Variants in TG observed in about 807,000 individuals in gnomAD.
TG encodes thyroid hormones.
TG carries 270 observed loss-of-function variants against 324.7 expected under a neutral mutation model. That is an observed-to-expected ratio of 0.83 (90% CI 0.75 to 0.92). TG has a LOEUF of 0.92. TG is among the 40% of genes least tolerant of loss of function. The probability of loss-of-function intolerance (pLI) is 0.00; values close to 1 mark genes in which losing one functional copy is unlikely to be tolerated. For synonymous variants in TG, 1,401 were observed against 1,327.0 expected (o/e 1.06, Z -1.21); for missense variants, 3,591 against 3,456.4 (o/e 1.04, Z -0.98).
chr8:132,946,292 A>G (rs1249214655), intron 26 of TG, among the ~76,000 whole-genome samples: 1 of 152,156 alleles, frequency 6.6e-6, no homozygotes, highest in Non-Finnish European at 1.5e-5. Context: ...TGGTAAGCCC[A>G]CAAAATCCTT....
chr8:132,882,956 G>A lies in TG; in HGVS notation c.1032G>A (p.Lys344=). 1 of 1,614,164 alleles carries A rather than the reference G, an allele frequency of 6.2e-7. No individual in the cohort carries two copies. Among genetic ancestry groups the A allele is most frequent in the Non-Finnish European group, 8.5e-7 (1 of 1,179,994 alleles). Reference sequence around the variant, plus strand: ...GCTGGTGTGTGGACGCCCAGGGGAAGGAAATGCATGGAACCCGGCAGCAAG... The same window carrying A: ...GCTGGTGTGTGGACGCCCAGGGGAAAGAAATGCATGGAACCCGGCAGCAAG... ...GPCWCVDAQG[K]EMHGTRQQGE... The change falls in exon 8 of 48, where the codon AAG becomes AAA. Residue 344 remains lysine, a synonymous_variant. Coordinates refer to ENST00000220616, the MANE Select transcript of TG (RefSeq NM_003235.5).
At chr8:133,134,616 G>A (rs1403313948) in intron 47 of TG, 60 bp from the exon 48 acceptor site, 1 of 1,440,970 alleles carries the variant, frequency 6.9e-7, no homozygotes, top group East Asian at 2.3e-5. Flanking sequence ...AAAAGGAAGG[G>A]ACCAGAGAAG....
Position 132,882,815 on chromosome 8 carries a change from C to G in TG, c.891C>G (p.Cys297Trp). 1 of 1,614,194 alleles carries G rather than the reference C, an allele frequency of 6.2e-7. No homozygotes were observed. Among genetic ancestry groups the G allele is most frequent in the Non-Finnish European group, 8.5e-7 (1 of 1,180,042 alleles). Residue 297 changes from cysteine to tryptophan, a missense_variant and splice_region_variant, in exon 8 of 48, where the codon TGC (cysteine) becomes TGG (tryptophan). Coordinates refer to ENST00000220616, the MANE Select transcript of TG (RefSeq NM_003235.5). ...VQSVISGRFR[C>W]PTKCEVERFT... The stretch of plus-strand genomic sequence containing the variant: ...CTTTACTGTGTGGATTTCCTCTAGG[C>G]CCCACAAAATGTGAAGTGGAGCGGT...
intron 45 of TG, among the ~76,000 whole-genome samples, chr8:133,117,740 G>A (rs988428491): frequency 7.9e-5 from 12 of 152,156 alleles, no homozygotes; most frequent in African/African-American, 2.9e-4. Context: ...CTTCATATAA[G>A]AATAGGAGCA....
intron 27 of TG, among the ~76,000 whole-genome samples, chr8:132,954,191 T>A (rs574526422): frequency 6.6e-6 from 1 of 152,244 alleles, no homozygotes; most frequent in South Asian, 2.1e-4. Flanking sequence ...GTGGTACTCA[T>A]TGCAATCAGA....
At chr8:132,925,852 G>A (rs1397015782) in intron 22 of TG, among the ~76,000 whole-genome samples, 2 of 152,156 alleles carry the variant, frequency 1.3e-5, no homozygotes, top group Non-Finnish European at 2.9e-5. Flanking sequence ...GGTGTATTCT[G>A]CCCAGTGTTC....
At position 132,919,833 on chromosome 8, in the gene TG, G is replaced by A. The variant is rs563597799; in HGVS notation, c.4528+308G>A. 1.4e-4 allele frequency among the ~76,000 whole-genome samples: 22 copies of A among 152,278 alleles called. No individual in the cohort carries two copies. In the East Asian group the frequency reaches 2.5e-3, roughly 17 times the overall value. On this transcript the variant is annotated intron_variant, in intron 21 of 47. Transcript: ENST00000220616. ...ACACAACATAATAATCAAAGGGGCC[G>A]CCATCTTTGAATACTTACCTACTGC...
At chr8:132,935,274 G>A (rs762275494) in intron 24 of TG, among the ~76,000 whole-genome samples, 6 of 151,890 alleles carry the variant, frequency 4.0e-5, no homozygotes, top group Non-Finnish European at 7.4e-5. Flanking sequence ...CTGAGTAGCT[G>A]GGATTACAGG....
At chr8:132,969,870 C>T (rs1326940004) in intron 32 of TG, among the ~76,000 whole-genome samples, 5 of 139,666 alleles carry the variant, frequency 3.6e-5, no homozygotes, top group South Asian at 4.7e-4. Context: ...GCTGAGATTG[C>T]GCCACTGCAC....
rs182776870 is a variant in TG at position 132,908,301 on chromosome 8, A to G, written c.3963A>G (p.Ile1321Met). 1.2e-6 allele frequency: 2 copies of G among 1,613,348 alleles called. No individual in the cohort carries two copies. Among genetic ancestry groups the G allele is most frequent in the South Asian group, 2.2e-5 (2 of 91,020 alleles). Reference sequence around the variant, plus strand: ...TGCTGCAGACTTTCCAGGTTTTCATATTGGATGAGCTGACAGCCCGCGGCT... The same window carrying G: ...TGCTGCAGACTTTCCAGGTTTTCATGTTGGATGAGCTGACAGCCCGCGGCT... Reference protein sequence around the residue: ...ADLLQTFQVFILDELTARGFC... With the variant: ...ADLLQTFQVFMLDELTARGFC... The change falls in exon 18 of 48, where the codon ATA (isoleucine) becomes ATG (methionine). Residue 1321 changes from isoleucine to methionine, a missense_variant. Coordinates refer to ENST00000220616, the MANE Select transcript of TG (RefSeq NM_003235.5).
chr8:132,971,980 C>T, intron 33 of TG, 107 bp downstream of exon 33: 1 of 844,270 alleles, frequency 1.2e-6, no homozygotes, highest in Non-Finnish European at 2.0e-6. Flanking sequence ...TATCCTCGTT[C>T]ACAGATAAGG....
intron 35 of TG, among the ~76,000 whole-genome samples, chr8:132,998,597 G>A (rs781326079): frequency 2.6e-5 from 4 of 152,224 alleles, no homozygotes; most frequent in Non-Finnish European, 5.9e-5. Context: ...TTGGTTGGAT[G>A]ATGAGCCACT....
chr8:132,944,247 C>T (rs1824891874), intron 26 of TG, among the ~76,000 whole-genome samples: 2 of 152,106 alleles, frequency 1.3e-5, no homozygotes, highest in African/African-American at 4.8e-5. Context: ...CCATCCCTGT[C>T]ACCTCAGTCT....
chr8:133,049,065 C>G (rs989298160), intron 41 of TG: 6 of 436,928 alleles, frequency 1.4e-5, no homozygotes, highest in African/African-American at 1.0e-4. Flanking sequence ...TAATGTAACT[C>G]CAGGAGGTGA....
chr8:132,980,808 A>G (rs1187313390), intron 34 of TG, among the ~76,000 whole-genome samples: 1 of 152,196 alleles, frequency 6.6e-6, no homozygotes, highest in Non-Finnish European at 1.5e-5. Flanking sequence ...CAGATGTGGT[A>G]TCAGAAATGT....
At chr8:133,006,738 A>G (rs1274384173) in intron 35 of TG, among the ~76,000 whole-genome samples, 2 of 152,268 alleles carry the variant, frequency 1.3e-5, no homozygotes, top group Non-Finnish European at 2.9e-5. Context: ...TATTATGAAT[A>G]GTCAGTTGTA....
intron 21 of TG, among the ~76,000 whole-genome samples, chr8:132,921,113 G>C (rs116284101): frequency 1.3e-5 from 2 of 152,158 alleles, no homozygotes; most frequent in Non-Finnish European, 2.9e-5. Flanking sequence ...ACAACATCGT[G>C]GGGGCTGCAC....
At chr8:132,954,802 C>T (rs1826609675) in intron 27 of TG, among the ~76,000 whole-genome samples, 1 of 152,208 alleles carries the variant, frequency 6.6e-6, no homozygotes, top group African/African-American at 2.4e-5. Context: ...AAGGGAACTT[C>T]CTCAAGGTTA....
At chr8:132,997,170 A>G (rs954885085) in intron 35 of TG, among the ~76,000 whole-genome samples, 4 of 152,204 alleles carry the variant, frequency 2.6e-5, no homozygotes, top group Non-Finnish European at 5.9e-5. Flanking sequence ...TTGAGCACCA[A>G]TCAAGGACAA....
Sources: gnomAD v4.1 joint callset for allele counts (sites outside exome capture counted in the v4.1 genomes callset) on GRCh38, gnomAD v4.1.1 for gene constraint, MANE v1.5 for transcripts, NCBI Gene and HGNC (gene_info 2026-07-23, HGNC 2026-07-21) for gene names.